Variants in TCF12 observed in about 807,000 individuals in gnomAD.
TCF12 encodes the protein DNA-binding protein HTF4.
In TCF12, 45 loss-of-function variants were observed where a neutral mutation model predicts 86.0. The observed-to-expected ratio is 0.52, with a 90% confidence interval of 0.41 to 0.67. The LOEUF is 0.67. Among genes scored for constraint, TCF12 ranks in the 30% least tolerant of loss-of-function variants. The pLI is 0.00. For missense variants in TCF12, 881 were observed against 859.9 expected (o/e 1.02, Z -0.31); for synonymous variants, 330 against 299.6 (o/e 1.10, Z -1.05).
At chr15:57,074,194 A>G (rs1031258509) in intron 4 of TCF12, among the ~76,000 whole-genome samples, 1 of 152,158 alleles carries the variant, frequency 6.6e-6, no homozygotes, top group Non-Finnish European at 1.5e-5. Context: ...CTTGGACAAG[A>G]GAGTTAATTC....
intron 5 of TCF12, among the ~76,000 whole-genome samples, chr15:57,145,117 A>G (rs1282513375): frequency 2.0e-5 from 3 of 152,224 alleles, no homozygotes; most frequent in Admixed American, 1.3e-4. Context: ...AAACATCTTA[A>G]TAAGAACATT....
At chr15:57,279,924 C>A (rs896857231) in intron 19 of TCF12, among the ~76,000 whole-genome samples, 4 of 121,666 alleles carry the variant, frequency 3.3e-5, no homozygotes, top group Non-Finnish European at 4.8e-5. Flanking sequence ...GAGTTTTGCT[C>A]TTCTTGTCGC....
intron 3 of TCF12, among the ~76,000 whole-genome samples, chr15:56,937,302 G>GATTTGTATACGTTA (rs1203612858): frequency 6.6e-6 from 1 of 151,658 alleles, no homozygotes; most frequent in Non-Finnish European, 1.5e-5. Flanking sequence ...TAGAGCTACT[G>GATTTGTATACGTTA]ATTTGTATAC....
intron 3 of TCF12, among the ~76,000 whole-genome samples, chr15:56,982,870 T>TA (rs1380704486): frequency 9.2e-5 from 14 of 152,338 alleles, no homozygotes; most frequent in African/African-American, 2.6e-4. Context: ...TTGTAGTAGA[T>TA]ATACATTCTG....
intron 3 of TCF12, among the ~76,000 whole-genome samples, chr15:56,944,189 A>G (rs1208410074): frequency 6.6e-6 from 1 of 152,158 alleles, no homozygotes; most frequent in African/African-American, 2.4e-5. Flanking sequence ...GGATTTTATT[A>G]TTTCCATAGG....
At chr15:57,071,581 G>A (rs1204451296) in intron 4 of TCF12, among the ~76,000 whole-genome samples, 2 of 152,132 alleles carry the variant, frequency 1.3e-5, no homozygotes, top group African/African-American at 4.8e-5. Flanking sequence ...GTTAGAATGA[G>A]CCTTACTACA....
At chr15:57,244,621 G>A (rs776145804) in intron 13 of TCF12, among the ~76,000 whole-genome samples, 4 of 151,966 alleles carry the variant, frequency 2.6e-5, no homozygotes, top group Non-Finnish European at 5.9e-5. Context: ...CACCACACCC[G>A]GCTAATTTTT....
intron 11 of TCF12, 44 bp from the exon 12 acceptor site, chr15:57,233,999 C>G (rs766742014): frequency 6.5e-7 from 1 of 1,531,286 alleles, no homozygotes; most frequent in African/African-American, 1.4e-5. Flanking sequence ...AAATATAATA[C>G]TTGCTTGTAA....
At chr15:57,154,521 A>T (rs1008288056) in intron 5 of TCF12, among the ~76,000 whole-genome samples, 1 of 152,178 alleles carries the variant, frequency 6.6e-6, no homozygotes, top group Non-Finnish European at 1.5e-5. Context: ...ACAAAATCTA[A>T]AACTCTGTTG....
At chr15:57,256,583 T>C (rs950320378) in intron 16 of TCF12, among the ~76,000 whole-genome samples, 2 of 122,892 alleles carry the variant, frequency 1.6e-5, no homozygotes, top group Non-Finnish European at 3.3e-5. Context: ...TTGTTTTTGG[T>C]CTCTTATAAC....
intron 3 of TCF12, among the ~76,000 whole-genome samples, chr15:56,958,100 C>G (rs1188527593): frequency 6.6e-6 from 1 of 152,134 alleles, no homozygotes; most frequent in Non-Finnish European, 1.5e-5. Flanking sequence ...GTAGTTTCCT[C>G]AAATGCACGT....
intron 18 of TCF12, among the ~76,000 whole-genome samples, chr15:57,268,608 T>C (rs911000369): frequency 1.3e-5 from 2 of 152,186 alleles, no homozygotes; most frequent in Non-Finnish European, 2.9e-5. Context: ...GGTAAAAATG[T>C]CTAATATTTT....
At chr15:57,019,261 G>A (rs897677832) in intron 3 of TCF12, among the ~76,000 whole-genome samples, 2 of 152,150 alleles carry the variant, frequency 1.3e-5, no homozygotes, top group Admixed American at 6.5e-5. Context: ...GAACAGATTA[G>A]TATTATTTAA....
intron 5 of TCF12, among the ~76,000 whole-genome samples, chr15:57,099,810 A>T (rs1452612701): frequency 6.6e-6 from 1 of 151,944 alleles, no homozygotes; most frequent in Non-Finnish European, 1.5e-5. Flanking sequence ...CAGAAGATTG[A>T]TCAAAGCAAT....
chr15:57,223,661 T>TTTTTATTTTTTA (rs2058728192), intron 8 of TCF12, among the ~76,000 whole-genome samples: 1 of 142,516 alleles, frequency 7.0e-6, no homozygotes, highest in South Asian at 2.4e-4. Flanking sequence ...TTTTTTTTTT[T>TTTTTATTTTTTA]TTTTTTTTTT....
chr15:57,208,709 AT>A lies in TCF12; in HGVS notation c.579+10895del, dbSNP rs544365470. On this transcript the variant is annotated intron_variant, in intron 8 of 20. Transcript: ENST00000333725. ...CTGGAAAGAAAGAACTTAAAAAAAA[AT>A]TTTTTTTTTTCTTTTGAAACAGGAA... 9.8e-3 allele frequency among the ~76,000 whole-genome samples: 1,420 copies of A among 145,438 alleles called. 12 individuals carry two copies. The highest frequency in any genetic ancestry group is 0.015 in the Non-Finnish European group (969 of 66,020).
chr15:57,275,630 A>G (rs2061368032), intron 19 of TCF12, among the ~76,000 whole-genome samples: 1 of 151,874 alleles, frequency 6.6e-6, no homozygotes, highest in African/African-American at 2.4e-5. Context: ...CACTTTTGAG[A>G]GCCTCTTCAT....
At chr15:57,001,517 T>G (rs74018460) in intron 3 of TCF12, 1 of 161,840 alleles carries the variant, frequency 6.2e-6, no homozygotes, top group Non-Finnish European at 1.4e-5. Context: ...TTTCATAGAT[T>G]TAAAAAATAT....
chr15:57,154,020 AAAG>A (rs1306743447), intron 5 of TCF12, among the ~76,000 whole-genome samples: 1 of 152,090 alleles, frequency 6.6e-6, no homozygotes, highest in African/African-American at 2.4e-5. Flanking sequence ...AGAAAAGAAA[AAAG>A]AAGTTTGAGA....
Sources: gnomAD v4.1 joint callset for allele counts (sites outside exome capture counted in the v4.1 genomes callset) on GRCh38, gnomAD v4.1.1 for gene constraint, MANE v1.5 for transcripts, NCBI Gene and HGNC (gene_info 2026-07-23, HGNC 2026-07-21) for gene names.